Variants in PLEKHG1 observed in about 807,000 individuals in gnomAD.
PLEKHG1 encodes pleckstrin homology domain-containing family G member 1.
PLEKHG1 carries 44 observed loss-of-function variants against 100.8 expected under a neutral mutation model. The ratio of observed to expected loss-of-function variants is 0.44; its 90% confidence interval spans 0.34 to 0.56. PLEKHG1 has a LOEUF of 0.56. PLEKHG1 is among the 20% of genes least tolerant of loss of function. PLEKHG1 has a pLI of 0.01. For missense variants in PLEKHG1, 1,545 were observed against 1,720.9 expected (o/e 0.90, Z 1.81); for synonymous variants, 640 against 662.5 (o/e 0.97, Z 0.52).
intron 3 of PLEKHG1, among the ~76,000 whole-genome samples, chr6:150,772,944 G>A (rs2128642419): frequency 6.6e-6 from 1 of 152,320 alleles, no homozygotes; most frequent in East Asian, 1.9e-4. Flanking sequence ...TATGTGAGAT[G>A]TAAATATCTC....
At chr6:150,709,288 T>C (rs941185746) in intron 3 of PLEKHG1, among the ~76,000 whole-genome samples, 4 of 152,250 alleles carry the variant, frequency 2.6e-5, no homozygotes, top group Admixed American at 2.6e-4. Flanking sequence ...TGAGCCGAGA[T>C]TGCGCCACTG....
Position 150,831,771 on chromosome 6 carries a change from CTG to C in PLEKHG1, c.2664_2665del (p.Ser889HisfsTer6). 6.2e-7 allele frequency: 1 copy of C among 1,613,730 alleles called. No homozygotes were observed. Among genetic ancestry groups the C allele is most frequent in the Non-Finnish European group, 8.5e-7 (1 of 1,179,976 alleles). On this transcript the variant is annotated frameshift_variant, in exon 15 of 16. Coordinates refer to ENST00000358517, the Ensembl canonical transcript of PLEKHG1. LOFTEE classifies it high-confidence loss of function. This position sits in a 1 kb window ranked among gnomAD's most constrained non-coding sequence, Gnocchi z 4.1. ...GAGCTGAGCCGGGACGTGGGGCGCT[CTG>C]TGTCCACGCTGTCCCTGCCTGAGAG...
chr6:150,616,628 C>G (rs1013762290), intron 1 of PLEKHG1, among the ~76,000 whole-genome samples: 1 of 152,190 alleles, frequency 6.6e-6, no homozygotes, highest in Non-Finnish European at 1.5e-5. Context: ...CTAGGCATTT[C>G]CAATGAAGAT....
chr6:150,796,970 G>A (rs1786370438), intron 5 of PLEKHG1, among the ~76,000 whole-genome samples: 1 of 151,970 alleles, frequency 6.6e-6, no homozygotes, highest in Non-Finnish European at 1.5e-5. Context: ...CAGACTTTGA[G>A]TTATGGGGTT....
chr6:150,655,707 CAAAAAAAAAAAA>C (rs775753925), intron 3 of PLEKHG1, among the ~76,000 whole-genome samples: 1 of 38,358 alleles, frequency 2.6e-5, no homozygotes, highest in East Asian at 7.8e-4. Context: ...GACTCCATCT[CAAAAAAAAAAAA>C]AAAAAAAAAA....
intron 1 of PLEKHG1, among the ~76,000 whole-genome samples, chr6:150,624,518 A>G (rs772212188): frequency 9.2e-5 from 14 of 152,188 alleles, no homozygotes; most frequent in Non-Finnish European, 1.8e-4. Context: ...TTTACTTTGC[A>G]AAGTACAGTA....
At chr6:150,779,849 C>A (rs1785210506) in intron 3 of PLEKHG1, among the ~76,000 whole-genome samples, 3 of 151,432 alleles carry the variant, frequency 2.0e-5, no homozygotes, top group Admixed American at 2.0e-4. Flanking sequence ...GCCTGTAGTC[C>A]CAGCTACTCA....
At chr6:150,732,573 A>G (rs1215806834) in intron 1 of PLEKHG1, among the ~76,000 whole-genome samples, 5 of 152,222 alleles carry the variant, frequency 3.3e-5, no homozygotes, top group Admixed American at 6.5e-5. Context: ...TTACACATCT[A>G]GGCTAGACGA....
At chr6:150,614,380 C>T (rs1197662530) in intron 1 of PLEKHG1, among the ~76,000 whole-genome samples, 2 of 152,196 alleles carry the variant, frequency 1.3e-5, no homozygotes, top group Non-Finnish European at 2.9e-5. Flanking sequence ...TATTTTCTAG[C>T]TAGTTCTTCA....
chr6:150,704,143 T>C (rs995371115), intron 3 of PLEKHG1, among the ~76,000 whole-genome samples: 1 of 152,182 alleles, frequency 6.6e-6, no homozygotes, highest in Admixed American at 6.5e-5. Flanking sequence ...TGAATCTTAG[T>C]TGGTTCTTTG....
intron 3 of PLEKHG1, among the ~76,000 whole-genome samples, chr6:150,699,155 G>A (rs557743333): frequency 7.2e-5 from 11 of 152,104 alleles, no homozygotes; most frequent in East Asian, 1.9e-4. Flanking sequence ...TGTTATTGTC[G>A]GGGGAAACTG....
intron 2 of PLEKHG1, among the ~76,000 whole-genome samples, chr6:150,743,277 T>G (rs1782979432): frequency 6.6e-6 from 1 of 152,114 alleles, no homozygotes; most frequent in Non-Finnish European, 1.5e-5. Flanking sequence ...CCCAGCACTT[T>G]GGGACAGCCA....
intron 3 of PLEKHG1, among the ~76,000 whole-genome samples, chr6:150,704,915 T>G (rs1193819772): frequency 2.0e-5 from 3 of 152,182 alleles, no homozygotes; most frequent in Non-Finnish European, 2.9e-5. Context: ...GAGAGCAAGA[T>G]CTCTCGTATT....
At chr6:150,805,642 C>T (rs565577897) in intron 7 of PLEKHG1, among the ~76,000 whole-genome samples, 7 of 152,234 alleles carry the variant, frequency 4.6e-5, no homozygotes, top group African/African-American at 1.4e-4. Flanking sequence ...ATCCTCCTGC[C>T]TCAGCCTCCT....
At chr6:150,764,818 G>A (rs921124759) in intron 2 of PLEKHG1, among the ~76,000 whole-genome samples, 3 of 152,032 alleles carry the variant, frequency 2.0e-5, no homozygotes, top group Non-Finnish European at 4.4e-5. Flanking sequence ...GACCACTTCC[G>A]CCTTTCCTGC....
chr6:150,674,644 T>TCTCTCTCTCC (rs1779686505), intron 3 of PLEKHG1, among the ~76,000 whole-genome samples: 1 of 124,646 alleles, frequency 8.0e-6, no homozygotes, highest in Non-Finnish European at 1.8e-5. Context: ...TCTCTCTCTC[T>TCTCTCTCTCC]CTCTCTCTCT....
At chr6:150,696,186 C>T (rs1300398498) in intron 3 of PLEKHG1, among the ~76,000 whole-genome samples, 2 of 152,144 alleles carry the variant, frequency 1.3e-5, no homozygotes, top group Non-Finnish European at 2.9e-5. Context: ...TCCACATATC[C>T]TTTAAATGAT....
At chr6:150,739,232 T>C (rs1583033842) in intron 2 of PLEKHG1, among the ~76,000 whole-genome samples, 1 of 152,142 alleles carries the variant, frequency 6.6e-6, no homozygotes. Flanking sequence ...AATTAAGCCA[T>C]ATTTGGTGAT....
At chr6:150,610,530 C>T (rs6901976) in intron 1 of PLEKHG1, among the ~76,000 whole-genome samples, 3,875 of 152,068 alleles carry the variant, frequency 0.025, 72 homozygotes, top group South Asian at 0.044. Context: ...TTGAAATTAG[C>T]TTTAAGAAAT....
Sources: allele counts gnomAD v4.1 joint callset (sites outside exome capture counted in the v4.1 genomes callset), GRCh38; gene constraint gnomAD v4.1.1; non-coding constraint Gnocchi (gnomAD v3.1); transcripts MANE v1.5; gene names NCBI Gene and HGNC (gene_info 2026-07-23, HGNC 2026-07-21).